PTPRD: variants seen among roughly 807,000 people sequenced by gnomAD.
The protein encoded by PTPRD is protein tyrosine phosphatase receptor type D.
In PTPRD, 34 loss-of-function variants were observed where a neutral mutation model predicts 214.5. The observed-to-expected ratio is 0.16, with a 90% confidence interval of 0.12 to 0.21. The LOEUF (loss-of-function observed/expected upper bound fraction) is 0.21. PTPRD is among the 10% of genes least tolerant of loss of function. The probability of loss-of-function intolerance (pLI) is 1.00; values close to 1 mark genes in which losing one functional copy is unlikely to be tolerated. For missense variants in PTPRD, 2,545 were observed against 2,398.7 expected (o/e 1.06, Z -1.27); for synonymous variants, 1,128 against 845.7 (o/e 1.33, Z -5.79).
intron 9 of PTPRD, among the ~76,000 whole-genome samples, chr9:9,378,441 G>C (rs890304124): frequency 2.6e-5 from 4 of 152,166 alleles, no homozygotes; most frequent in South Asian, 2.1e-4. Flanking sequence ...CAACTTGATT[G>C]CTTCCAAATT....
intron 34 of PTPRD, among the ~76,000 whole-genome samples, chr9:8,447,369 A>G (rs1316160049): frequency 6.6e-6 from 1 of 152,194 alleles, no homozygotes; most frequent in African/African-American, 2.4e-5. Context: ...TTGGTGATAC[A>G]AGAGATGTTA....
At chr9:10,292,395 C>T (rs1178267250) in intron 3 of PTPRD, among the ~76,000 whole-genome samples, 1 of 151,990 alleles carries the variant, frequency 6.6e-6, no homozygotes, top group African/African-American at 2.4e-5. Flanking sequence ...AAAATATATA[C>T]AATGGATCAT....
intron 5 of PTPRD, among the ~76,000 whole-genome samples, chr9:9,934,764 A>T (rs1190052648): frequency 2.0e-5 from 3 of 151,992 alleles, no homozygotes; most frequent in African/African-American, 7.3e-5. Flanking sequence ...CCGGGCAGAG[A>T]CACAACCAAA....
intron 5 of PTPRD, among the ~76,000 whole-genome samples, chr9:9,832,521 C>T (rs2055226532): frequency 6.6e-6 from 1 of 151,764 alleles, no homozygotes; most frequent in African/African-American, 2.4e-5. Context: ...ATTTATGTGT[C>T]CTCCCTCATC....
rs193127436 is a variant in PTPRD, at chr9:8,538,456, A to T, written c.353-9677T>A. ...TCAATCAAATGGGACTACAGAAAACATTCAATGTGGTTTCTTCACCATATT... is the reference window on the plus strand; with the variant it reads ...TCAATCAAATGGGACTACAGAAAACTTTCAATGTGGTTTCTTCACCATATT... On this transcript the variant is annotated intron_variant, in intron 14 of 45. Transcript: ENST00000381196. Among the ~76,000 whole-genome samples, 813 of 151,968 alleles carry T rather than the reference A, an allele frequency of 5.3e-3. 17 individuals carry two copies. Among genetic ancestry groups the T allele is most frequent in the Non-Finnish European group, 2.8e-3 (192 of 67,874 alleles).
intron 2 of PTPRD, among the ~76,000 whole-genome samples, chr9:10,416,654 T>A (rs376188989): frequency 7.9e-5 from 12 of 151,804 alleles, no homozygotes; most frequent in African/African-American, 2.4e-4. Context: ...AGGTGAGTTT[T>A]TTTCTTACTG....
At chr9:8,605,421 AC>A (rs1316732121) in intron 14 of PTPRD, among the ~76,000 whole-genome samples, 5 of 152,134 alleles carry the variant, frequency 3.3e-5, no homozygotes, top group Non-Finnish European at 7.4e-5. Context: ...CCTCACCAAA[AC>A]CATTTTTGAG....
chr9:10,494,969 C>T (rs1443463175), intron 2 of PTPRD, among the ~76,000 whole-genome samples: 3 of 151,766 alleles, frequency 2.0e-5, no homozygotes, highest in East Asian at 3.9e-4. Context: ...CACTAAAAAT[C>T]TGTCTTAACA....
At position 10,428,709 on chromosome 9, in the gene PTPRD, A is replaced by G. The variant is rs535980523; in HGVS notation, c.-599-87692T>C. On this transcript the variant is annotated intron_variant, in intron 2 of 45. Coordinates refer to ENST00000381196, the MANE Select transcript of PTPRD (RefSeq NM_002839.4). ...AAATCTGCTTAGCCAAATATCTCTT[A>G]CTAAAATCTATGGAATATTCTATTT... Among the ~76,000 whole-genome samples, 168 of 152,214 alleles carry G rather than the reference A, an allele frequency of 1.1e-3. 1 individual carries two copies. The highest frequency in any genetic ancestry group is 1.7e-3 in the Non-Finnish European group (118 of 67,998).
intron 8 of PTPRD, among the ~76,000 whole-genome samples, chr9:9,410,716 A>G (rs1356498694): frequency 1.3e-5 from 2 of 152,178 alleles, no homozygotes; most frequent in Non-Finnish European, 2.9e-5. Flanking sequence ...ACTGTATTTT[A>G]GTTTTGTTAT....
intron 7 of PTPRD, among the ~76,000 whole-genome samples, chr9:9,645,954 T>A (rs1196341405): frequency 6.6e-6 from 1 of 152,002 alleles, no homozygotes; most frequent in Non-Finnish European, 1.5e-5. Flanking sequence ...GTACATATGA[T>A]ATTTTAATGC....
At chr9:8,322,653 G>A (rs570571922) in intron 44 of PTPRD, among the ~76,000 whole-genome samples, 2 of 152,286 alleles carry the variant, frequency 1.3e-5, no homozygotes, top group South Asian at 2.1e-4. Flanking sequence ...AAAGTGCAAG[G>A]TGAAGCAATA....
At chr9:8,527,155 ATTTAATT>A (rs912720528) in intron 16 of PTPRD, among the ~76,000 whole-genome samples, 183 bp downstream of exon 16, 3 of 152,036 alleles carry the variant, frequency 2.0e-5, no homozygotes, top group African/African-American at 7.2e-5. Context: ...CTTGTGTACT[ATTTAATT>A]TTTCTGCACA....
chr9:9,423,684 G>A (rs2079705700), intron 8 of PTPRD, among the ~76,000 whole-genome samples: 1 of 152,020 alleles, frequency 6.6e-6, no homozygotes, highest in Non-Finnish European at 1.5e-5. Flanking sequence ...TGGAATCTAT[G>A]AAAAATAATC....
At chr9:10,436,872 C>G (rs1357262802) in intron 2 of PTPRD, among the ~76,000 whole-genome samples, 8 of 151,644 alleles carry the variant, frequency 5.3e-5, no homozygotes, top group Non-Finnish European at 1.0e-4. Flanking sequence ...GGCTTGAAAA[C>G]AGAGTTTAAG....
At chr9:9,910,999 G>A (rs1382966069) in intron 5 of PTPRD, among the ~76,000 whole-genome samples, 1 of 151,710 alleles carries the variant, frequency 6.6e-6, no homozygotes, top group East Asian at 1.9e-4. Context: ...CCAATTCATT[G>A]TTTCATATCT....
At chr9:9,701,277 C>T (rs2097496755) in intron 7 of PTPRD, among the ~76,000 whole-genome samples, 1 of 152,096 alleles carries the variant, frequency 6.6e-6, no homozygotes. Context: ...AGTTATATCT[C>T]ATATACAATA....
intron 5 of PTPRD, among the ~76,000 whole-genome samples, chr9:9,870,937 A>C (rs896719403): frequency 9.9e-5 from 15 of 152,122 alleles, no homozygotes; most frequent in Middle Eastern, 3.2e-3. Flanking sequence ...TGTGTGGCAA[A>C]GAGTTGGAGA....
intron 7 of PTPRD, among the ~76,000 whole-genome samples, chr9:9,635,797 T>C (rs2095747234): frequency 6.6e-6 from 1 of 152,154 alleles, no homozygotes; most frequent in Non-Finnish European, 1.5e-5. Context: ...TCAAATCTTG[T>C]CAAGTTTTCC....
Sources: allele counts gnomAD v4.1 joint callset (sites outside exome capture counted in the v4.1 genomes callset), GRCh38; gene constraint gnomAD v4.1.1; transcripts MANE v1.5; gene names NCBI Gene and HGNC (gene_info 2026-07-23, HGNC 2026-07-21).